The following UQCC2 variants were observed in gnomAD, a reference collection of about 807,000 sequenced individuals.
UQCC2 encodes ubiquinol-cytochrome c reductase complex assembly factor 2.
A neutral mutation model predicts 19.9 loss-of-function variants in UQCC2; 21 were observed. The observed-to-expected ratio is 1.05, with a 90% CI of 0.75 to 1.52. The LOEUF (loss-of-function observed/expected upper bound fraction) is 1.52. Ranked by LOEUF, UQCC2 falls within the 40% of genes most tolerant of loss-of-function variation. The probability of loss-of-function intolerance (pLI) is 0.00; values close to 1 mark genes in which losing one functional copy is unlikely to be tolerated. For missense variants in UQCC2, 135 were observed against 157.5 expected (o/e 0.86, Z 0.76); for synonymous variants, 57 against 60.9 (o/e 0.94, Z 0.30).
At chr6:33,705,239 G>A (rs1411710353) in intron 1 of UQCC2, among the ~76,000 whole-genome samples, 1 of 152,074 alleles carries the variant, frequency 6.6e-6, no homozygotes. Flanking sequence ...CACCGTGTTA[G>A]CCAGGATGGT....
At chr6:33,704,052 C>T (rs1176819711) in intron 1 of UQCC2, among the ~76,000 whole-genome samples, 1 of 152,206 alleles carries the variant, frequency 6.6e-6, no homozygotes, top group African/African-American at 2.4e-5. Context: ...ATAGCCCCTA[C>T]GTCCCCGGTG....
At chr6:33,704,443 G>GGAA (rs538728202) in intron 1 of UQCC2, among the ~76,000 whole-genome samples, 51 of 152,298 alleles carry the variant, frequency 3.3e-4, no homozygotes, top group East Asian at 2.7e-3. Flanking sequence ...CACTGCCGAG[G>GGAA]GTGGCGCTGG....
At chr6:33,699,930 C>A (rs117661371) in intron 3 of UQCC2, among the ~76,000 whole-genome samples, 3 of 152,196 alleles carry the variant, frequency 2.0e-5, no homozygotes, top group Non-Finnish European at 2.9e-5. Context: ...AAGGAAAGGA[C>A]GGGCTTGGCA....
chr6:33,700,355 A>T, intron 3 of UQCC2, 89 bp downstream of exon 3: 1 of 1,460,986 alleles, frequency 6.8e-7, no homozygotes. Context: ...TCCATCAAGC[A>T]AAACTGTCTT....
chr6:33,701,204 G>T, intron 2 of UQCC2, 142 bp downstream of exon 2: 2 of 843,230 alleles, frequency 2.4e-6, no homozygotes, highest in Non-Finnish European at 3.6e-6. Context: ...AGGCACCTCT[G>T]TTGGCTTGGT....
rs925200599 is a variant in UQCC2, at chr6:33,711,531, C to T, written c.138+18G>A. 6.9e-6 allele frequency: 11 copies of T among 1,588,570 alleles called. No individual in the cohort carries two copies. Among genetic ancestry groups the T allele is most frequent in the Admixed American group, 1.8e-5 (1 of 55,000 alleles). ...CGTCCTTTCCTCCCCTCGTCCCAGC[C>T]GCCTCCCCGCCGGTCACCTGGGTAT... On this transcript the variant is annotated intron_variant, in intron 1 of 3. Transcript: ENST00000607484.
intron 1 of UQCC2, among the ~76,000 whole-genome samples, chr6:33,709,778 A>C (rs1237854499): frequency 6.6e-6 from 1 of 151,710 alleles, no homozygotes; most frequent in Non-Finnish European, 1.5e-5. Context: ...AAAAAAAAAA[A>C]CCCATGTTCC....
intron 1 of UQCC2, among the ~76,000 whole-genome samples, chr6:33,706,550 G>A (rs1765701123): frequency 6.6e-6 from 1 of 152,202 alleles, no homozygotes; most frequent in South Asian, 2.1e-4. Context: ...TGGGAGTTGG[G>A]CACCTGGCTG....
intron 1 of UQCC2, among the ~76,000 whole-genome samples, chr6:33,709,547 T>A (rs1413408552): frequency 6.6e-6 from 1 of 152,158 alleles, no homozygotes; most frequent in Admixed American, 6.5e-5. Flanking sequence ...AGTTCACGGG[T>A]TTGTAGAATT....
At chr6:33,697,823 G>C in intron 3 of UQCC2, 73 bp from the exon 4 acceptor site, 2 of 1,250,820 alleles carry the variant, frequency 1.6e-6, no homozygotes, top group South Asian at 2.7e-5. Flanking sequence ...GACCCACTGG[G>C]CTTTCCCGAC....
rs1765640394 is a variant in UQCC2 at position 33,701,541 on chromosome 6, C to T, written c.139-121G>A. 10 of 907,280 alleles carry T rather than the reference C, an allele frequency of 1.1e-5. No homozygotes were observed. In the South Asian group the frequency reaches 2.0e-4, roughly 18 times the overall value. The allele number at this position is 907,280 out of a possible 1,614,324, so 56.2% of individuals were successfully genotyped here. Reference sequence around the variant, plus strand: ...ACATGAAGCAGGCCTGCAGCTAGCACTGGCTTCTCCACTCTGCGGGAAGCA... The same window carrying T: ...ACATGAAGCAGGCCTGCAGCTAGCATTGGCTTCTCCACTCTGCGGGAAGCA... On this transcript the variant is annotated intron_variant, in intron 1 of 3. Transcript: ENST00000607484.
intron 1 of UQCC2, 39 bp downstream of exon 1, chr6:33,711,510 C>T: frequency 6.4e-7 from 1 of 1,568,108 alleles, no homozygotes. Context: ...CTGCCTCGTC[C>T]TTTCCTCCCC....
chr6:33,697,699 T>C lies in UQCC2; in HGVS notation c.335A>G (p.Gln112Arg), dbSNP rs1765581043. Residue 112 changes from glutamine (Q) to arginine (R), a missense_variant, in exon 4 of 4, where the codon CAG becomes CGG. Transcript: ENST00000607484. The stretch of plus-strand genomic sequence containing the variant: ...AGGACCCTTGGGGGCAAACTTCTCC[T>C]GCAGTTTCTTCCACATGCCTTTATC... Reference protein sequence around the residue: ...EIDKGMWKKLQEKFAPKGPEE... With the variant: ...EIDKGMWKKLREKFAPKGPEE... 6.2e-7 allele frequency: 1 copy of C among 1,614,166 alleles called. No homozygotes were observed. The highest frequency in any genetic ancestry group is 8.5e-7 in the Non-Finnish European group (1 of 1,180,036).
Position 33,706,238 on chromosome 6 carries a change from G to C in UQCC2, c.139-4818C>G, listed in dbSNP as rs538423195. On this transcript the variant is annotated intron_variant, in intron 1 of 3. Coordinates refer to ENST00000607484, the MANE Select transcript of UQCC2 (RefSeq NM_032340.4). ...GGTAGAGCTGGATTCGGTCCAGGAG[G>C]ATCTATAAAAAAAGGTTTTCAAGAC... Among the ~76,000 whole-genome samples, 4 of 152,278 alleles carry C rather than the reference G, an allele frequency of 2.6e-5. No individual in the cohort carries two copies. In the East Asian group the frequency reaches 7.7e-4, roughly 29 times the overall value.
chr6:33,701,786 G>C (rs998665761), intron 1 of UQCC2, among the ~76,000 whole-genome samples: 2 of 151,968 alleles, frequency 1.3e-5, no homozygotes, highest in African/African-American at 4.8e-5. Context: ...GCTGGGCAGA[G>C]TGGGCTACAG....
At chr6:33,710,801 C>G (rs748743032) in intron 1 of UQCC2, among the ~76,000 whole-genome samples, 2 of 152,270 alleles carry the variant, frequency 1.3e-5, no homozygotes, top group South Asian at 2.1e-4. Context: ...GGTAGGTGCT[C>G]AATAAATACG....
intron 1 of UQCC2, among the ~76,000 whole-genome samples, chr6:33,706,408 G>A (rs1765698649): frequency 6.6e-6 from 1 of 152,132 alleles, no homozygotes; most frequent in East Asian, 1.9e-4. Context: ...GACGACCCAG[G>A]CCAGCTGTGG....
chr6:33,705,411 G>C (rs1765688891), intron 1 of UQCC2, among the ~76,000 whole-genome samples: 2 of 152,156 alleles, frequency 1.3e-5, no homozygotes, highest in Non-Finnish European at 1.5e-5. Flanking sequence ...GCTGTAACCT[G>C]AGAAAGAAAA....
chr6:33,701,773 G>A (rs907332275), intron 1 of UQCC2, among the ~76,000 whole-genome samples: 1 of 151,930 alleles, frequency 6.6e-6, no homozygotes, highest in African/African-American at 2.4e-5. Context: ...TAACAAAGGG[G>A]GTGCTGGGCA....
Sources: gnomAD v4.1 joint callset for allele counts (sites outside exome capture counted in the v4.1 genomes callset) on GRCh38, gnomAD v4.1.1 for gene constraint, MANE v1.5 for transcripts, NCBI Gene and HGNC (gene_info 2026-07-23, HGNC 2026-07-21) for gene names.